The following NRBF2 variants were observed in gnomAD, a reference collection of about 807,000 sequenced individuals.
The protein encoded by NRBF2 is nuclear receptor binding factor 2.
Under a neutral mutation model 28.5 loss-of-function variants are expected in NRBF2, and 12 were observed. The observed-to-expected ratio is 0.42, with a 90% CI of 0.27 to 0.68. The LOEUF (loss-of-function observed/expected upper bound fraction) is 0.68, where lower values mean the gene tolerates loss of function less well. NRBF2 is among the 30% of genes least tolerant of loss of function. The probability of loss-of-function intolerance (pLI) is 0.24; values close to 1 mark genes in which losing one functional copy is unlikely to be tolerated. For missense variants in NRBF2, 274 were observed against 333.5 expected (o/e 0.82, Z 1.39); for synonymous variants, 102 against 116.5 (o/e 0.88, Z 0.80).
chr10:63,143,686 A>C (rs2132685418), intron 1 of NRBF2, among the ~76,000 whole-genome samples: 1 of 151,598 alleles, frequency 6.6e-6, no homozygotes, highest in African/African-American at 2.4e-5. Flanking sequence ...TCCTGACCTC[A>C]GATGATCCAC....
In NRBF2 at chr10:63,146,210, C is replaced by A; in HGVS notation, c.32C>A (p.Ala11Asp). Reference protein sequence around the residue: MEVMEGPLNLAHQQSRRADRL... With the variant: MEVMEGPLNLDHQQSRRADRL... ...AACTTAGGGATGTTTGTCTTCTAGG[C>A]TCATCAACAGAGCAGACGAGCAGAC... The change falls in exon 2 of 4, where the codon GCT becomes GAT. Residue 11 changes from alanine (A) to aspartate (D), a missense_variant and splice_region_variant. Transcript: ENST00000277746. 1 of 1,610,832 alleles carries A rather than the reference C, an allele frequency of 6.2e-7. No individual in the cohort carries two copies. Among genetic ancestry groups the A allele is most frequent in the Non-Finnish European group, 8.5e-7 (1 of 1,178,850 alleles).
chr10:63,133,568 G>C, intron 1 of NRBF2, 68 bp downstream of exon 1: 3 of 1,212,122 alleles, frequency 2.5e-6, no homozygotes, highest in Non-Finnish European at 2.4e-6. Flanking sequence ...CCCCGTCCCC[G>C]GCGCGTCGGC....
At chr10:63,136,611 G>T (rs1841382860) in intron 1 of NRBF2, among the ~76,000 whole-genome samples, 1 of 152,212 alleles carries the variant, frequency 6.6e-6, no homozygotes, top group Non-Finnish European at 1.5e-5. Flanking sequence ...TAAGCTGAGA[G>T]AATTAGGTAA....
At chr10:63,149,209 C>T (rs1159407685) in intron 2 of NRBF2, among the ~76,000 whole-genome samples, 2 of 152,172 alleles carry the variant, frequency 1.3e-5, no homozygotes, top group Non-Finnish European at 1.5e-5. Flanking sequence ...CTCCGCCTCC[C>T]AGGCTCAAGT....
intron 1 of NRBF2, among the ~76,000 whole-genome samples, chr10:63,134,876 C>T (rs1205816386): frequency 6.6e-6 from 1 of 152,122 alleles, no homozygotes; most frequent in Admixed American, 6.5e-5. Flanking sequence ...AATTGGACTA[C>T]ATTTGCGAGT....
At chr10:63,149,257 C>T (rs12263138) in intron 2 of NRBF2, among the ~76,000 whole-genome samples, 3,789 of 152,324 alleles carry the variant, frequency 0.025, 162 homozygotes, top group African/African-American at 0.086. Context: ...GCTGGGACTA[C>T]AGGCATGCGC....
At chr10:63,139,492 A>AGTT (rs1374468410) in intron 1 of NRBF2, among the ~76,000 whole-genome samples, 1 of 152,202 alleles carries the variant, frequency 6.6e-6, no homozygotes, top group South Asian at 2.1e-4. Flanking sequence ...TTAGTAACCT[A>AGTT]GTTGTTGTAG....
rs1015911335 is a variant in NRBF2 at position 63,133,503 on chromosome 10, G to A, written c.30+3G>A. ...TAATGGAAGGACCCCTCAACCTGGTGAGTGTCCCACAGAATATAGCGTTCG... is the reference window on the plus strand; with the variant it reads ...TAATGGAAGGACCCCTCAACCTGGTAAGTGTCCCACAGAATATAGCGTTCG... On this transcript the variant is annotated splice_donor_region_variant and intron_variant, in intron 1 of 3. Transcript: ENST00000277746. 8 of 1,607,602 alleles carry A rather than the reference G, an allele frequency of 5.0e-6. No individual in the cohort carries two copies. The African/African-American group carries it at 9.4e-5, about 19-fold the overall frequency.
rs2132688699 is a variant in NRBF2, at chr10:63,146,113, A to G, written c.31-96A>G. ...TAGTGATTTGATATGTGGCAACAAAACAGTATTATTTATCTTCTTAAAAGG... is the reference window on the plus strand; with the variant it reads ...TAGTGATTTGATATGTGGCAACAAAGCAGTATTATTTATCTTCTTAAAAGG... On this transcript the variant is annotated intron_variant, in intron 1 of 3. Coordinates refer to ENST00000277746, the MANE Select transcript of NRBF2 (RefSeq NM_030759.5). 5.5e-6 allele frequency: 5 copies of G among 907,664 alleles called. No homozygotes were observed. In the South Asian group the frequency reaches 5.5e-5, roughly 10 times the overall value. The allele number at this position is 907,664 out of a possible 1,614,324, so 56.2% of individuals were successfully genotyped here.
rs758707147 is a variant in NRBF2, at chr10:63,133,528, G to T, written c.30+28G>T. 7 of 1,554,008 alleles carry T rather than the reference G, an allele frequency of 4.5e-6. No individual in the cohort carries two copies. The South Asian group carries it at 7.8e-5, about 17-fold the overall frequency. On this transcript the variant is annotated intron_variant, in intron 1 of 3. Transcript: ENST00000277746. ...GAGTGTCCCACAGAATATAGCGTTCGTCTTGGGTGCCTTTGCCTCAGGAGC... is the reference window on the plus strand; with the variant it reads ...GAGTGTCCCACAGAATATAGCGTTCTTCTTGGGTGCCTTTGCCTCAGGAGC...
rs114479456 is a variant in NRBF2, at chr10:63,153,015, C to G, written c.157-496C>G. Among the ~76,000 whole-genome samples, 1,380 of 152,198 alleles carry G rather than the reference C, an allele frequency of 9.1e-3. 21 individuals are homozygous for G. Among genetic ancestry groups the G allele is most frequent in the African/African-American group, 0.031 (1,304 of 41,536 alleles). ...TCTAAAATAAATATATATAAAATATCTTTTTAAAAACTTTTTGTTATAAAA... is the reference window on the plus strand; with the variant it reads ...TCTAAAATAAATATATATAAAATATGTTTTTAAAAACTTTTTGTTATAAAA... On this transcript the variant is annotated intron_variant, in intron 3 of 3. Transcript: ENST00000277746.
At chr10:63,137,927 G>T (rs893524402) in intron 1 of NRBF2, among the ~76,000 whole-genome samples, 7 of 152,132 alleles carry the variant, frequency 4.6e-5, no homozygotes. Context: ...CATCGGGCAC[G>T]TTATGTATAT....
intron 1 of NRBF2, among the ~76,000 whole-genome samples, chr10:63,140,951 G>A (rs935736307): frequency 2.6e-5 from 4 of 151,992 alleles, no homozygotes; most frequent in South Asian, 2.1e-4. Flanking sequence ...TGCCTGCCTC[G>A]GCCTCCCAAA....
At position 63,154,799 on chromosome 10, in the gene NRBF2, T is replaced by A. The variant is rs1285639201; in HGVS notation, c.*581T>A. The A allele has an allele frequency of 1.3e-5, 2 of 152,630 alleles. No individual in the cohort carries two copies. The highest frequency in any genetic ancestry group is 2.9e-5 in the Non-Finnish European group (2 of 68,042). 9.5% of individuals were successfully genotyped at this position (152,630 alleles called of 1,614,324 possible). On this transcript the variant is annotated 3_prime_UTR_variant, in exon 4 of 4. Transcript: ENST00000277746. The stretch of plus-strand genomic sequence containing the variant: ...AGACTATCAGAAGAAATATTTAAAT[T>A]TCCATTTTATGAAGAAAGGAACCAA...
rs142845145 is a variant in NRBF2 at position 63,153,979 on chromosome 10, G to A, written c.625G>A (p.Gly209Ser). Residue 209 changes from glycine to serine, a missense_variant, in exon 4 of 4, where the codon GGT becomes AGT. Coordinates refer to ENST00000277746, the MANE Select transcript of NRBF2 (RefSeq NM_030759.5). ...GGCTGAAAAGGCCAGACTTCTAAAA[G>A]GTCCAATAGAAAAGGAGCTGGATGT... ...LKAEKARLLK[G>S]PIEKELDVDA... 8.6e-4 allele frequency: 1,390 copies of A among 1,611,628 alleles called. 14 individuals are homozygous for A. In the African/African-American group the frequency reaches 0.017, roughly 19 times the overall value.
chr10:63,147,316 T>C (rs2132690119), intron 2 of NRBF2, among the ~76,000 whole-genome samples: 1 of 149,186 alleles, frequency 6.7e-6, no homozygotes, highest in East Asian at 2.1e-4. Context: ...TCAGAGAAAA[T>C]TAAAATTTTT....
At chr10:63,142,301 T>TG (rs1307629611) in intron 1 of NRBF2, among the ~76,000 whole-genome samples, 1 of 143,134 alleles carries the variant, frequency 7.0e-6, no homozygotes, top group African/African-American at 2.6e-5. Flanking sequence ...TTGTTTTTTT[T>TG]GTTTTTTTTG....
chr10:63,152,105 C>G (rs763347895), intron 2 of NRBF2, 45 bp from the exon 3 acceptor site: 2 of 1,455,796 alleles, frequency 1.4e-6, no homozygotes, highest in South Asian at 2.3e-5. Context: ...CTGTTAATTA[C>G]AAAATGAAGA....
In NRBF2 at chr10:63,133,451, C is replaced by T. The variant is rs1014611421; in HGVS notation, c.-20C>T. ...GCGCCACTACTCCCCTTCCTAAGGC[C>T]GCCGCTTACCCCGGGGTCTATGGAA... is the stretch of plus-strand genomic sequence containing the variant. On this transcript the variant is annotated 5_prime_UTR_variant, in exon 1 of 4. Coordinates refer to ENST00000277746, the MANE Select transcript of NRBF2 (RefSeq NM_030759.5). 14 of 1,611,712 alleles carry T rather than the reference C, an allele frequency of 8.7e-6. No individual in the cohort carries two copies. The African/African-American group carries it at 1.6e-4, about 19-fold the overall frequency.
Sources: gnomAD v4.1 joint callset for allele counts (sites outside exome capture counted in the v4.1 genomes callset) on GRCh38, gnomAD v4.1.1 for gene constraint, MANE v1.5 for transcripts, NCBI Gene and HGNC (gene_info 2026-07-23, HGNC 2026-07-21) for gene names.